Variants in SLIT2 observed in about 807,000 individuals in gnomAD.
The protein encoded by SLIT2 is slit homolog 2 protein.
SLIT2 carries 41 observed loss-of-function variants against 185.7 expected under a neutral mutation model. The ratio of observed to expected loss-of-function variants is 0.22; its 90% CI spans 0.17 to 0.29. The LOEUF (loss-of-function observed/expected upper bound fraction) is 0.29, where lower values mean the gene tolerates loss of function less well. SLIT2 is among the 10% of genes least tolerant of loss of function. The pLI is 1.00. For missense variants in SLIT2, 1,571 were observed against 1,909.0 expected (o/e 0.82, Z 3.30); for synonymous variants, 693 against 680.2 (o/e 1.02, Z -0.29).
intron 4 of SLIT2, among the ~76,000 whole-genome samples, chr4:20,330,154 T>C (rs1254058471): frequency 6.6e-6 from 1 of 152,118 alleles, no homozygotes; most frequent in Non-Finnish European, 1.5e-5. Flanking sequence ...CAAATCTAGC[T>C]GAATGATCAA....
intron 9 of SLIT2, 89 bp downstream of exon 9, chr4:20,491,988 C>T: frequency 7.9e-7 from 1 of 1,259,716 alleles, no homozygotes; most frequent in Non-Finnish European, 1.1e-6. Context: ...TTATCGAAGG[C>T]ACATCTGATC....
rs1281624103 is a variant in SLIT2 at position 20,472,298 on chromosome 4, A to ATATATC, written c.467+4479_467+4480insTCTATA. ...TATCTATATATATAGATATATAGAT[A>ATATATC]TATAGATCTATATATAGATATATAT... On this transcript the variant is annotated intron_variant, in intron 5 of 36. Coordinates refer to ENST00000504154, the MANE Select transcript of SLIT2 (RefSeq NM_004787.4). 8.9e-4 allele frequency among the ~76,000 whole-genome samples: 17 copies of ATATATC among 19,044 alleles called. 2 individuals carry two copies. The highest frequency in any genetic ancestry group is 3.5e-3 in the African/African-American group (12 of 3,398). 12.5% of individuals were successfully genotyped at this position (19,044 alleles called of 152,430 possible). A position where few individuals can be genotyped will look rare whatever the true frequency, so the allele number is the denominator to read the frequency against.
At chr4:20,411,572 C>T (rs1435441078) in intron 4 of SLIT2, among the ~76,000 whole-genome samples, 1 of 152,146 alleles carries the variant, frequency 6.6e-6, no homozygotes, top group East Asian at 1.9e-4. Context: ...TGATTATATT[C>T]ATTTTATAGT....
At chr4:20,357,647 G>T (rs555253580) in intron 4 of SLIT2, among the ~76,000 whole-genome samples, 1 of 152,126 alleles carries the variant, frequency 6.6e-6, no homozygotes, top group East Asian at 1.9e-4. Flanking sequence ...GAAATTACTG[G>T]TTTGTGATAT....
At chr4:20,271,431 A>G (rs1713594789) in intron 4 of SLIT2, among the ~76,000 whole-genome samples, 2 of 146,582 alleles carry the variant, frequency 1.4e-5, no homozygotes, top group Non-Finnish European at 3.0e-5. Flanking sequence ...ATATATTTAT[A>G]TGTAATATAA....
At chr4:20,523,301 G>T (rs192192737) in intron 12 of SLIT2, among the ~76,000 whole-genome samples, 2 of 152,144 alleles carry the variant, frequency 1.3e-5, no homozygotes, top group African/African-American at 2.4e-5. Flanking sequence ...GGGAGCTGTC[G>T]CATGGTTCTG....
intron 26 of SLIT2, among the ~76,000 whole-genome samples, chr4:20,562,094 C>T (rs1016445809): frequency 1.3e-5 from 2 of 151,748 alleles, no homozygotes; most frequent in African/African-American, 2.4e-5. Context: ...TTTTAGCTAA[C>T]GATTTTTACA....
At chr4:20,439,371 C>CT in intron 4 of SLIT2, among the ~76,000 whole-genome samples, 1 of 152,166 alleles carries the variant, frequency 6.6e-6, no homozygotes, top group East Asian at 1.9e-4. Flanking sequence ...TTGTCTCCTT[C>CT]TGAGGGCTTG....
rs527900335 is a variant in SLIT2, at chr4:20,400,360, G to C, written c.396-67392G>C. ...AGGATGGCCATAGAAATGAAGAAAA[G>C]AAGATAGATTTTAGAATCCCTAGAA... On this transcript the variant is annotated intron_variant, in intron 4 of 36. Transcript: ENST00000504154. Among the ~76,000 whole-genome samples the C allele has an allele frequency of 5.3e-4, 80 of 151,764 alleles. No individual in the cohort carries two copies. In the South Asian group the frequency reaches 0.015, roughly 28 times the overall value.
intron 29 of SLIT2, among the ~76,000 whole-genome samples, chr4:20,588,631 A>G (rs1727262279): frequency 6.6e-6 from 1 of 152,246 alleles, no homozygotes; most frequent in Admixed American, 6.5e-5. Context: ...TATATTATGT[A>G]TATGAATACC....
intron 4 of SLIT2, among the ~76,000 whole-genome samples, chr4:20,432,409 A>G (rs765608346): frequency 3.9e-5 from 6 of 152,198 alleles, no homozygotes; most frequent in Non-Finnish European, 8.8e-5. Context: ...GGCAGACAAA[A>G]TAGGTCAGAA....
chr4:20,508,830 A>G (rs1397651224), intron 9 of SLIT2, among the ~76,000 whole-genome samples: 1 of 152,142 alleles, frequency 6.6e-6, no homozygotes, highest in Non-Finnish European at 1.5e-5. Context: ...TTCAAGAGCA[A>G]CGAAAACTGA....
chr4:20,252,417 A>G lies in SLIT2; in HGVS notation c.-1399A>G, dbSNP rs1305003838. Among the ~76,000 whole-genome samples the G allele has an allele frequency of 6.6e-6, 1 of 152,042 alleles. No individual in the cohort carries two copies. Among genetic ancestry groups the G allele is most frequent in the Non-Finnish European group, 1.5e-5 (1 of 67,994 alleles). On this transcript the variant is annotated 5_prime_UTR_variant, in exon 1 of 37. Coordinates refer to ENST00000504154, the MANE Select transcript of SLIT2 (RefSeq NM_004787.4). The stretch of plus-strand genomic sequence containing the variant: ...GGAGAGGGGAAGGGGCTAGAAGGAG[A>G]AGGACTACCCGGGACTGCGGCCGCC...
chr4:20,392,719 A>G (rs1447855422), intron 4 of SLIT2, among the ~76,000 whole-genome samples: 2 of 152,174 alleles, frequency 1.3e-5, no homozygotes, highest in Non-Finnish European at 2.9e-5. Context: ...ATTTTGTTAA[A>G]AACTAGAACA....
rs1224182848 is a variant in SLIT2 at position 20,619,527 on chromosome 4, A to T, written c.*518A>T. The T allele has an allele frequency of 6.6e-6, 1 of 152,196 alleles. No individual in the cohort carries two copies. Among genetic ancestry groups the T allele is most frequent in the Non-Finnish European group, 1.5e-5 (1 of 68,032 alleles). 9.4% of individuals were successfully genotyped at this position (152,196 alleles called of 1,614,324 possible). On this transcript the variant is annotated 3_prime_UTR_variant, in exon 37 of 37. Transcript: ENST00000504154. ...ATGCAAAATATAAAGTGTCCTGAGG[A>T]TCTGGGTTCCATTTACGAGAGGAAA...
chr4:20,408,691 C>T (rs1726964664), intron 4 of SLIT2, among the ~76,000 whole-genome samples: 2 of 152,264 alleles, frequency 1.3e-5, no homozygotes, highest in South Asian at 2.1e-4. Context: ...GCTTCTATCG[C>T]TCTAATAGTC....
chr4:20,388,131 A>G (rs1403981678), intron 4 of SLIT2, among the ~76,000 whole-genome samples: 1 of 152,168 alleles, frequency 6.6e-6, no homozygotes, highest in East Asian at 1.9e-4. Context: ...AGAACATCAT[A>G]TTTGCTGGTA....
At chr4:20,590,175 G>A (rs541967055) in intron 30 of SLIT2, among the ~76,000 whole-genome samples, 428 of 152,224 alleles carry the variant, frequency 2.8e-3, no homozygotes, top group Middle Eastern at 0.017. Flanking sequence ...AAAGTGCTGG[G>A]ATTACAGGCG....
intron 31 of SLIT2, among the ~76,000 whole-genome samples, chr4:20,596,181 T>C (rs1373322902): frequency 6.6e-6 from 1 of 152,036 alleles, no homozygotes; most frequent in Non-Finnish European, 1.5e-5. Flanking sequence ...AGGGATGGTG[T>C]TTGGGGAGAT....
Sources: gnomAD v4.1 joint callset for allele counts (sites outside exome capture counted in the v4.1 genomes callset) on GRCh38, gnomAD v4.1.1 for gene constraint, MANE v1.5 for transcripts, NCBI Gene and HGNC (gene_info 2026-07-23, HGNC 2026-07-21) for gene names.